Variants in H2BC12 observed in about 807,000 individuals in gnomAD.
The protein encoded by H2BC12 is histone H2B type 1-K.
A neutral mutation model predicts 6.3 loss-of-function variants in H2BC12; 6 were observed. That is an observed-to-expected ratio of 0.95 (90% CI 0.52 to 1.87). The LOEUF is 1.87. Among genes scored for constraint, H2BC12 ranks in the 40% most tolerant of loss-of-function variants. H2BC12 has a pLI of 0.01. For synonymous variants in H2BC12, 132 were observed against 78.5 expected (o/e 1.68, Z -3.60); for missense variants, 119 against 178.4 (o/e 0.67, Z 1.90).
chr6:27,146,261 A>G (rs1442719020), downstream of H2BC12, among the ~76,000 whole-genome samples: 1 of 152,230 alleles, frequency 6.6e-6, no homozygotes, highest in Non-Finnish European at 1.5e-5. Context: ...CACTGCATGC[A>G]TTACTCAGTG....
the H2BC12 span, chr6:27,139,370 AG>A: frequency 6.2e-7 from 1 of 1,614,192 alleles, no homozygotes; most frequent in Non-Finnish European, 8.5e-7. Flanking sequence ...CGCCACCGCA[AG>A]GTGCTGCGCG....
chr6:27,139,495 C>T, the H2BC12 span: 12 of 1,612,848 alleles, frequency 7.4e-6, no homozygotes, highest in South Asian at 6.6e-5. Context: ...GAAGGTGTTC[C>T]TGGAGAACGT....
the H2BC12 span, chr6:27,139,037 A>G: frequency 6.8e-3 from 2,501 of 366,122 alleles, 40 homozygotes; most frequent in African/African-American, 0.037. Flanking sequence ...TGCTTTATGT[A>G]TCTTCTATAA....
At chr6:27,139,336 G>C in the H2BC12 span, 2 of 1,613,130 alleles carry the variant, frequency 1.2e-6, no homozygotes, top group Non-Finnish European at 1.7e-6. Flanking sequence ...AGGAGGTAAG[G>C]GCCTGGGGAA....
chr6:27,143,757 C>G (rs902047538), downstream of H2BC12, among the ~76,000 whole-genome samples: 2 of 150,502 alleles, frequency 1.3e-5, no homozygotes, highest in South Asian at 2.1e-4. Context: ...TCTGTGCAAG[C>G]GTTCTTCAGC....
chr6:27,146,522 T>C lies in H2BC12; in HGVS notation c.277A>G (p.Arg93Gly), dbSNP rs1440036283. ...HYNKRSTITSREIQTAVRLLL... is the reference protein window; with the variant it reads ...HYNKRSTITSGEIQTAVRLLL... ...AGGCGCACGGCCGTCTGGATCTCCCTGGAGGTGATGGTCGAGCGCTTGTTG... is the reference window on the plus strand; with the variant it reads ...AGGCGCACGGCCGTCTGGATCTCCCCGGAGGTGATGGTCGAGCGCTTGTTG... The change falls in exon 1 of 1, where the codon AGG (arginine) becomes GGG (glycine). Residue 93 changes from arginine to glycine, a missense_variant. By Grantham distance (125) the Arg-to-Gly change is moderately radical. Around this residue, in one of 2 missense-constraint regions of H2BC12, gnomAD observed 69 missense variants for 141.0 expected, o/e 0.49. Coordinates refer to ENST00000356950, the MANE Select transcript of H2BC12 (RefSeq NM_001312653.2). The C allele has an allele frequency of 6.2e-7, 1 of 1,614,212 alleles. No individual in the cohort carries two copies. Among genetic ancestry groups the C allele is most frequent in the Admixed American group, 1.7e-5 (1 of 60,026 alleles).
chr6:27,146,120 G>A (rs1760074490), downstream of H2BC12, among the ~76,000 whole-genome samples: 2 of 152,118 alleles, frequency 1.3e-5, no homozygotes, highest in African/African-American at 2.4e-5. Flanking sequence ...ATCCATTTTC[G>A]CGCCAAGAGC....
At chr6:27,146,360 T>G, downstream of H2BC12, 1 of 1,608,666 alleles carries the variant, frequency 6.2e-7, no homozygotes, top group South Asian at 1.1e-5. Context: ...TATCGATAAT[T>G]TAAGTGGCTC....
chr6:27,145,198 G>A (rs970113617), downstream of H2BC12, among the ~76,000 whole-genome samples: 4 of 152,034 alleles, frequency 2.6e-5, no homozygotes, highest in Admixed American at 6.6e-5. Context: ...TGCTTTGCAT[G>A]TATGAAGTTT....
chr6:27,144,468 G>T (rs1000535928), downstream of H2BC12, among the ~76,000 whole-genome samples: 115 of 124,798 alleles, frequency 9.2e-4, 7 homozygotes, highest in Middle Eastern at 3.7e-3. Context: ...TCTGGGGGGG[G>T]GGGGGGGGGC....
downstream of H2BC12, among the ~76,000 whole-genome samples, chr6:27,143,848 A>T (rs1163745009): frequency 5.4e-5 from 5 of 92,478 alleles, no homozygotes; most frequent in Non-Finnish European, 1.0e-4. Flanking sequence ...CTACTCTTTA[A>T]AAAAAAAAAA....
chr6:27,141,864 A>G (rs1193604957), downstream of H2BC12, among the ~76,000 whole-genome samples: 1 of 152,208 alleles, frequency 6.6e-6, no homozygotes, highest in East Asian at 1.9e-4. Flanking sequence ...ATAGTGCCCT[A>G]GTGGGTTTTA....
downstream of H2BC12, among the ~76,000 whole-genome samples, chr6:27,142,685 C>T (rs532335522): frequency 5.4e-5 from 6 of 110,730 alleles, no homozygotes; most frequent in African/African-American, 2.2e-4. Flanking sequence ...CGCCCAGGTT[C>T]GAGTGCAGTG....
At chr6:27,146,233 G>A (rs1005112769), downstream of H2BC12, among the ~76,000 whole-genome samples, 2 of 152,188 alleles carry the variant, frequency 1.3e-5, no homozygotes, top group African/African-American at 2.4e-5. Context: ...CTTCTCCTTA[G>A]CCAGACTCGA....
At chr6:27,143,410 T>C (rs1760031800), downstream of H2BC12, among the ~76,000 whole-genome samples, 2 of 152,088 alleles carry the variant, frequency 1.3e-5, no homozygotes, top group Admixed American at 6.6e-5. Context: ...GATAAGGTCT[T>C]CTCCCAACTG....
downstream of H2BC12, among the ~76,000 whole-genome samples, chr6:27,143,104 C>G (rs1406451639): frequency 6.6e-6 from 1 of 151,992 alleles, no homozygotes; most frequent in African/African-American, 2.4e-5. Context: ...TTCACGCCAG[C>G]ACTTTGGGAG....
At chr6:27,142,869 T>A (rs1760024776), downstream of H2BC12, among the ~76,000 whole-genome samples, 1 of 148,684 alleles carries the variant, frequency 6.7e-6, no homozygotes, top group South Asian at 2.1e-4. Context: ...ACTCCTGATC[T>A]TGTGATCCAC....
At chr6:27,143,976 T>G (rs1760038504), downstream of H2BC12, among the ~76,000 whole-genome samples, 1 of 151,876 alleles carries the variant, frequency 6.6e-6, no homozygotes, top group Admixed American at 6.6e-5. Context: ...TTGCTCCAAA[T>G]TAAGTCAAAT....
the H2BC12 span, chr6:27,138,644 TC>T: frequency 1.3e-5 from 2 of 152,238 alleles, no homozygotes; most frequent in Non-Finnish European, 2.9e-5. Flanking sequence ...TAAGAAGCTT[TC>T]TTGGTCATAT....
Sources: allele counts gnomAD v4.1 joint callset (sites outside exome capture counted in the v4.1 genomes callset), GRCh38; gene constraint gnomAD v4.1.1; regional missense constraint gnomAD v4.1.1; transcripts MANE v1.5; gene names NCBI Gene and HGNC (gene_info 2026-07-23, HGNC 2026-07-21).